The following MSRA variants were observed in gnomAD, a reference collection of about 807,000 sequenced individuals.
The protein encoded by MSRA is mitochondrial peptide methionine sulfoxide reductase.
In MSRA, 54 loss-of-function variants were observed where a neutral mutation model predicts 31.3. That is an observed-to-expected ratio of 1.73 (90% confidence interval 1.39 to 2.17). The LOEUF (loss-of-function observed/expected upper bound fraction) is 2.17, where lower values mean the gene tolerates loss of function less well. Ranked by LOEUF, MSRA falls within the 30% of genes most tolerant of loss-of-function variation. The probability of loss-of-function intolerance (pLI) is 0.00; values close to 1 mark genes in which losing one functional copy is unlikely to be tolerated. For synonymous variants in MSRA, 169 were observed against 116.5 expected, an observed-to-expected ratio of 1.45 and a Z score of -2.90; for missense variants, 507 against 300.9, an observed-to-expected ratio of 1.69 and a Z score of -5.07.
intron 3 of MSRA, among the ~76,000 whole-genome samples, chr8:10,252,709 A>C (rs1377945608): frequency 6.6e-6 from 1 of 152,246 alleles, no homozygotes; most frequent in Non-Finnish European, 1.5e-5. Context: ...TGATTTGTCC[A>C]CGAAGCATGG....
chr8:10,149,167 G>C (rs1167883021), intron 1 of MSRA, among the ~76,000 whole-genome samples: 1 of 151,266 alleles, frequency 6.6e-6, no homozygotes, highest in East Asian at 1.9e-4. Flanking sequence ...CGTCGCCTGG[G>C]CTGGAGTGCA....
intron 5 of MSRA, among the ~76,000 whole-genome samples, chr8:10,407,256 A>G (rs1188799224): frequency 6.6e-6 from 1 of 152,214 alleles, no homozygotes; most frequent in East Asian, 1.9e-4. Flanking sequence ...GGTGGATGTG[A>G]AACGCCCACG....
chr8:10,361,853 G>A (rs926525310), intron 5 of MSRA, among the ~76,000 whole-genome samples: 21 of 151,996 alleles, frequency 1.4e-4, no homozygotes, highest in African/African-American at 4.4e-4. Flanking sequence ...TTTTGACATC[G>A]TACTGTCATC....
chr8:10,168,716 C>T (rs1805353014), intron 1 of MSRA, among the ~76,000 whole-genome samples: 1 of 152,172 alleles, frequency 6.6e-6, no homozygotes, highest in African/African-American at 2.4e-5. Flanking sequence ...CAGAAGTGCC[C>T]ATCCCTTGCG....
intron 5 of MSRA, among the ~76,000 whole-genome samples, chr8:10,374,415 A>G (rs1805644676): frequency 6.6e-6 from 1 of 152,166 alleles, no homozygotes; most frequent in African/African-American, 2.4e-5. Flanking sequence ...CACATCCTGC[A>G]GGCTAGATCC....
chr8:10,221,006 G>T (rs1482923361), intron 2 of MSRA, among the ~76,000 whole-genome samples: 3 of 152,170 alleles, frequency 2.0e-5, no homozygotes, highest in African/African-American at 7.2e-5. Flanking sequence ...GTGCCTGGCG[G>T]GTGTGTCTTT....
At chr8:10,148,995 C>G (rs565038517) in intron 1 of MSRA, among the ~76,000 whole-genome samples, 1 of 149,194 alleles carries the variant, frequency 6.7e-6, no homozygotes, top group East Asian at 2.0e-4. Context: ...GTCACTCTGT[C>G]GCCCAGGCTG....
intron 5 of MSRA, among the ~76,000 whole-genome samples, chr8:10,387,490 G>T (rs1288837826): frequency 6.6e-6 from 1 of 152,168 alleles, no homozygotes; most frequent in Non-Finnish European, 1.5e-5. Context: ...ATTTTCATGG[G>T]GGAAAGAGAT....
At chr8:10,381,208 T>C (rs151115641) in intron 5 of MSRA, among the ~76,000 whole-genome samples, 30 of 152,294 alleles carry the variant, frequency 2.0e-4, no homozygotes, top group Non-Finnish European at 4.4e-4. Flanking sequence ...CTCCTTTTTC[T>C]TCTTCCCACC....
At chr8:10,423,228 C>G (rs926906887) in intron 5 of MSRA, among the ~76,000 whole-genome samples, 3 of 152,214 alleles carry the variant, frequency 2.0e-5, no homozygotes, top group Non-Finnish European at 4.4e-5. Flanking sequence ...ACAGTTCTCT[C>G]CTGCCTGCTC....
chr8:10,114,032 A>T (rs534347439), intron 1 of MSRA, among the ~76,000 whole-genome samples: 2 of 152,208 alleles, frequency 1.3e-5, no homozygotes, highest in East Asian at 3.9e-4. Flanking sequence ...TCTATTCTGG[A>T]CCTTTCACGT....
chr8:10,282,865 C>T (rs1015937970), intron 3 of MSRA, among the ~76,000 whole-genome samples: 2 of 152,130 alleles, frequency 1.3e-5, no homozygotes, highest in African/African-American at 4.8e-5. Flanking sequence ...ACTTCATCAG[C>T]TCTCCTCTAT....
intron 4 of MSRA, among the ~76,000 whole-genome samples, chr8:10,303,750 A>G (rs928462250): frequency 6.6e-6 from 1 of 152,148 alleles, no homozygotes; most frequent in Non-Finnish European, 1.5e-5. Flanking sequence ...ATGGTTAGTT[A>G]AGGGTAGGGC....
chr8:10,127,457 A>G (rs1234555761), intron 1 of MSRA, among the ~76,000 whole-genome samples: 1 of 152,216 alleles, frequency 6.6e-6, no homozygotes, highest in African/African-American at 2.4e-5. Flanking sequence ...AGCTGTTTGT[A>G]ACCATCCTTG....
chr8:10,248,752 C>T (rs539011654), intron 3 of MSRA, among the ~76,000 whole-genome samples: 1 of 152,292 alleles, frequency 6.6e-6, no homozygotes, highest in East Asian at 1.9e-4. Context: ...GAGGTGTGCC[C>T]ATCGTGGGCT....
chr8:10,223,361 A>C (rs1464001673), intron 2 of MSRA, among the ~76,000 whole-genome samples: 5 of 152,244 alleles, frequency 3.3e-5, no homozygotes, highest in Non-Finnish European at 7.3e-5. Flanking sequence ...GGAACATTGT[A>C]ATGTGATTTA....
intron 5 of MSRA, among the ~76,000 whole-genome samples, chr8:10,363,942 A>G (rs1805010298): frequency 6.6e-6 from 1 of 152,120 alleles, no homozygotes; most frequent in African/African-American, 2.4e-5. Context: ...ACAAAACAAC[A>G]AAACAAAAAA....
chr8:10,276,169 A>C (rs1799311434), intron 3 of MSRA, among the ~76,000 whole-genome samples: 1 of 152,200 alleles, frequency 6.6e-6, no homozygotes, highest in South Asian at 2.1e-4. Flanking sequence ...TTCTTTATAG[A>C]CAAGTTACCT....
At chr8:10,198,547 C>G (rs1808197887) in intron 1 of MSRA, among the ~76,000 whole-genome samples, 1 of 152,164 alleles carries the variant, frequency 6.6e-6, no homozygotes, top group African/African-American at 2.4e-5. Flanking sequence ...TTCTTTGTCT[C>G]AATTCTGATT....
Sources: gnomAD v4.1 joint callset for allele counts (sites outside exome capture counted in the v4.1 genomes callset) on GRCh38, gnomAD v4.1.1 for gene constraint, MANE v1.5 for transcripts, NCBI Gene and HGNC (gene_info 2026-07-23, HGNC 2026-07-21) for gene names.